The following PTPRT variants were observed in gnomAD, a reference collection of about 807,000 sequenced individuals.
The protein encoded by PTPRT is receptor-type tyrosine-protein phosphatase T.
PTPRT carries 56 observed loss-of-function variants against 176.8 expected under a neutral mutation model. The observed-to-expected ratio is 0.32, with a 90% CI of 0.26 to 0.40. The LOEUF is 0.40. Ranked by LOEUF, PTPRT falls within the 10% of genes least tolerant of loss-of-function variation. PTPRT has a pLI of 1.00. For synonymous variants in PTPRT, 783 were observed against 739.0 expected (o/e 1.06, Z -0.96); for missense variants, 1,540 against 1,908.2 (o/e 0.81, Z 3.60).
At chr20:42,398,367 G>C (rs6016776) in intron 9 of PTPRT, among the ~76,000 whole-genome samples, 66,362 of 151,966 alleles carry the variant, frequency 0.44, 14,761 homozygotes, top group South Asian at 0.53. Flanking sequence ...CATGTGGGAA[G>C]ATTTATGTGC....
intron 16 of PTPRT, among the ~76,000 whole-genome samples, chr20:42,188,726 T>G (rs1990878140): frequency 1.3e-5 from 2 of 152,172 alleles, no homozygotes; most frequent in South Asian, 4.1e-4. Context: ...AACAAGCACT[T>G]TTTAAGTGCT....
intron 13 of PTPRT, among the ~76,000 whole-genome samples, chr20:42,272,353 G>A (rs561377282): frequency 1.3e-4 from 20 of 151,978 alleles, no homozygotes; most frequent in Admixed American, 1.2e-3. Context: ...TTTACTATCT[G>A]TCCTTTTACA....
intron 6 of PTPRT, among the ~76,000 whole-genome samples, chr20:42,698,990 C>A (rs1201817103): frequency 6.6e-6 from 1 of 152,186 alleles, no homozygotes; most frequent in East Asian, 1.9e-4. Flanking sequence ...AAACAACTAA[C>A]AACGATGTAG....
At chr20:42,731,419 T>C (rs1485395961) in intron 6 of PTPRT, among the ~76,000 whole-genome samples, 1 of 152,124 alleles carries the variant, frequency 6.6e-6, no homozygotes, top group African/African-American at 2.4e-5. Context: ...GTGGAGATGG[T>C]AGTATTTCTC....
At chr20:42,267,918 C>G (rs1195999335) in intron 13 of PTPRT, among the ~76,000 whole-genome samples, 1 of 152,108 alleles carries the variant, frequency 6.6e-6, no homozygotes, top group Non-Finnish European at 1.5e-5. Context: ...TTCAATTTCT[C>G]CAAATAAAAA....
At chr20:42,131,495 T>C (rs779710988) in intron 18 of PTPRT, among the ~76,000 whole-genome samples, 2 of 152,140 alleles carry the variant, frequency 1.3e-5, no homozygotes, top group Non-Finnish European at 2.9e-5. Flanking sequence ...TAAAATGAAG[T>C]TGAAAAACCG....
chr20:42,740,142 T>C (rs181181836), intron 6 of PTPRT, among the ~76,000 whole-genome samples: 1 of 152,176 alleles, frequency 6.6e-6, no homozygotes, highest in African/African-American at 2.4e-5. Context: ...CCCTTGAGGT[T>C]GTTAAACTAC....
intron 1 of PTPRT, among the ~76,000 whole-genome samples, chr20:43,071,115 G>A (rs1227303324): frequency 2.0e-5 from 3 of 152,252 alleles, no homozygotes; most frequent in Admixed American, 1.3e-4. Flanking sequence ...GCAGTTTGCA[G>A]TCCGGGGTTC....
At chr20:42,307,411 G>T (rs2057559348) in intron 12 of PTPRT, among the ~76,000 whole-genome samples, 1 of 152,074 alleles carries the variant, frequency 6.6e-6, no homozygotes, top group African/African-American at 2.4e-5. Flanking sequence ...TTTTGTTGTT[G>T]TTACTACAGA....
At chr20:42,638,363 A>T (rs1289524822) in intron 7 of PTPRT, among the ~76,000 whole-genome samples, 1 of 152,216 alleles carries the variant, frequency 6.6e-6, no homozygotes, top group East Asian at 1.9e-4. Flanking sequence ...CGGTCGAAAC[A>T]TAAAACAGGT....
At chr20:42,396,899 C>T (rs2058856405) in intron 9 of PTPRT, among the ~76,000 whole-genome samples, 2 of 152,172 alleles carry the variant, frequency 1.3e-5, no homozygotes, top group Admixed American at 1.3e-4. Context: ...CAGCCTTCCT[C>T]CAGACAGAAA....
At chr20:42,257,181 G>C (rs1246085281) in intron 13 of PTPRT, among the ~76,000 whole-genome samples, 4 of 152,026 alleles carry the variant, frequency 2.6e-5, no homozygotes, top group African/African-American at 4.8e-5. Flanking sequence ...GTGTGGGCTT[G>C]TAAGTCAGGG....
rs1258331634 is a variant in PTPRT, at chr20:42,590,955, T to C, written c.1153+86911A>G. On this transcript the variant is annotated intron_variant, in intron 7 of 30. Coordinates refer to ENST00000373187, the MANE Select transcript of PTPRT (RefSeq NM_007050.6). ...GTGTGTGTGTGTGTGTGTGTGTGTG[T>C]GTGTGTGTGTGTGTGTGTGTAATGG... is the stretch of plus-strand genomic sequence containing the variant. Among the ~76,000 whole-genome samples, 65 of 150,654 alleles carry C rather than the reference T, an allele frequency of 4.3e-4. 1 individual carries two copies. Among genetic ancestry groups the C allele is most frequent in the Non-Finnish European group, 1.6e-4 (11 of 67,598 alleles).
At chr20:43,061,060 G>C (rs970644157) in intron 1 of PTPRT, among the ~76,000 whole-genome samples, 1 of 150,248 alleles carries the variant, frequency 6.7e-6, no homozygotes, top group Non-Finnish European at 1.5e-5. Flanking sequence ...AAGTAGGAGG[G>C]TGGGTGAGTG....
rs768943667 is a variant in PTPRT, at chr20:42,110,491, A to G, written c.3100-4T>C. 1 of 1,598,480 alleles carries G rather than the reference A, an allele frequency of 6.3e-7. No homozygotes were observed. Among genetic ancestry groups the G allele is most frequent in the Non-Finnish European group, 8.5e-7 (1 of 1,170,500 alleles). ...CCCGGATCTCATGGTAGCCTTTCTG[A>G]GGAAAGAACGGGCCTCTGTTCTTCC... On this transcript the variant is annotated splice_polypyrimidine_tract_variant and splice_region_variant and intron_variant, in intron 22 of 30. Transcript: ENST00000373187.
Position 42,577,320 on chromosome 20 carries a change from T to G in PTPRT, c.1153+100546A>C, listed in dbSNP as rs116645008. 7.7e-3 allele frequency among the ~76,000 whole-genome samples: 1,171 copies of G among 152,154 alleles called. 13 individuals carry two copies. Among genetic ancestry groups the G allele is most frequent in the African/African-American group, 0.027 (1,130 of 41,494 alleles). ...TGCAGGTGCCAGTTTTGGCCACACC[T>G]CTGCACAAGGCGGATGAGCAAACCT... On this transcript the variant is annotated intron_variant, in intron 7 of 30. Transcript: ENST00000373187.
chr20:42,549,554 T>A (rs146497663), intron 7 of PTPRT, among the ~76,000 whole-genome samples: 1 of 152,302 alleles, frequency 6.6e-6, no homozygotes, highest in African/African-American at 2.4e-5. Flanking sequence ...TGGCCCATCA[T>A]TAACTCAACT....
intron 18 of PTPRT, among the ~76,000 whole-genome samples, chr20:42,134,460 A>G (rs887229466): frequency 1.3e-5 from 2 of 152,182 alleles, no homozygotes; most frequent in African/African-American, 4.8e-5. Context: ...GATGGGCAAG[A>G]GCTGGCTGTG....
chr20:42,998,360 A>C (rs1640911164), intron 1 of PTPRT, among the ~76,000 whole-genome samples: 1 of 152,202 alleles, frequency 6.6e-6, no homozygotes, highest in East Asian at 1.9e-4. Flanking sequence ...TTCTGCGGTA[A>C]GCTGAGATAT....
Sources: gnomAD v4.1 joint callset for allele counts (sites outside exome capture counted in the v4.1 genomes callset) on GRCh38, gnomAD v4.1.1 for gene constraint, MANE v1.5 for transcripts, NCBI Gene and HGNC (gene_info 2026-07-23, HGNC 2026-07-21) for gene names.